Variants in SFXN1 observed in about 807,000 individuals in gnomAD.
SFXN1 encodes sideroflexin 1.
In SFXN1, 32 loss-of-function variants were observed where a neutral mutation model predicts 39.5. The observed-to-expected ratio is 0.81, with a 90% CI of 0.61 to 1.09. The LOEUF (loss-of-function observed/expected upper bound fraction) is 1.09, where lower values mean the gene tolerates loss of function less well. Among genes scored for constraint, SFXN1 ranks in the 50% least tolerant of loss-of-function variants. SFXN1 has a pLI of 0.00. For synonymous variants in SFXN1, 136 were observed against 146.5 expected, an observed-to-expected ratio of 0.93 and a Z score of 0.52; for missense variants, 402 against 407.1, an observed-to-expected ratio of 0.99 and a Z score of 0.11.
chr5:175,513,853 G>C lies in SFXN1; in HGVS notation c.724+263G>C, dbSNP rs866930832. 17 of 317,638 alleles carry C rather than the reference G, an allele frequency of 5.4e-5. No homozygotes were observed. The Admixed American group carries it at 6.9e-4, about 13-fold the overall frequency. 19.7% of individuals were successfully genotyped at this position (317,638 alleles called of 1,614,324 possible). Reference sequence around the variant, plus strand: ...TGTGGGAGTGAGCCAAGTGGGTATCGGTGATGAATATTCTGGCAGAGGGAA... The same window carrying C: ...TGTGGGAGTGAGCCAAGTGGGTATCCGTGATGAATATTCTGGCAGAGGGAA... On this transcript the variant is annotated intron_variant, in intron 7 of 10. Transcript: ENST00000321442.
intron 5 of SFXN1, 70 bp downstream of exon 5, chr5:175,511,596 T>C: frequency 8.2e-7 from 1 of 1,225,440 alleles, no homozygotes; most frequent in Middle Eastern, 1.9e-4. Flanking sequence ...TAAATCCCTC[T>C]ATTATTTCTT....
At chr5:175,479,709 C>A (rs1288539269) in intron 1 of SFXN1, among the ~76,000 whole-genome samples, 1 of 152,154 alleles carries the variant, frequency 6.6e-6, no homozygotes, top group Non-Finnish European at 1.5e-5. Context: ...ACTGCCTGAA[C>A]GAAAAAGCCT....
chr5:175,511,192 A>G (rs2113335621), intron 4 of SFXN1, among the ~76,000 whole-genome samples: 1 of 152,282 alleles, frequency 6.6e-6, no homozygotes, highest in East Asian at 1.9e-4. Context: ...TATTTATTTT[A>G]ACCAACTCAC....
chr5:175,495,810 A>G (rs964052071), intron 2 of SFXN1, among the ~76,000 whole-genome samples: 1 of 152,136 alleles, frequency 6.6e-6, no homozygotes, highest in Non-Finnish European at 1.5e-5. Context: ...TAAGAAAGTC[A>G]TATAAATAGA....
chr5:175,505,658 C>T (rs1247141742), intron 2 of SFXN1, among the ~76,000 whole-genome samples: 1 of 151,800 alleles, frequency 6.6e-6, no homozygotes, highest in Non-Finnish European at 1.5e-5. Flanking sequence ...GGTTGCTCTA[C>T]CCAAGATTAA....
At chr5:175,490,301 A>G (rs1378933497) in intron 1 of SFXN1, among the ~76,000 whole-genome samples, 2 of 152,216 alleles carry the variant, frequency 1.3e-5, no homozygotes, top group Non-Finnish European at 2.9e-5. Flanking sequence ...CCTTGGGGAA[A>G]TAGGCTTCCC....
At chr5:175,496,911 A>T (rs1176971135) in intron 2 of SFXN1, among the ~76,000 whole-genome samples, 2 of 142,572 alleles carry the variant, frequency 1.4e-5, no homozygotes, top group Non-Finnish European at 3.0e-5. Flanking sequence ...TTTTTTTTTG[A>T]GATGGAGTCT....
intron 10 of SFXN1, 100 bp downstream of exon 10, chr5:175,522,522 A>G: frequency 8.3e-7 from 1 of 1,211,194 alleles, no homozygotes; most frequent in Admixed American, 2.1e-5. Flanking sequence ...AGGGAAGTTG[A>G]GACTCAAAAG....
In SFXN1 at chr5:175,522,511, C is replaced by T. The variant is rs760029567; in HGVS notation, c.872+89C>T. ...AGGTGCCATTATTCCATTTCATTGG[C>T]AGGGAAGTTGAGACTCAAAAGATAC... On this transcript the variant is annotated intron_variant, in intron 10 of 10. Coordinates refer to ENST00000321442, the MANE Select transcript of SFXN1 (RefSeq NM_022754.7). 158 of 1,358,748 alleles carry T rather than the reference C, an allele frequency of 1.2e-4. 1 individual carries two copies. Among genetic ancestry groups the T allele is most frequent in the Non-Finnish European group, 1.1e-4 (112 of 978,950 alleles). The allele number at this position is 1,358,748 out of a possible 1,614,324, so 84.2% of individuals were successfully genotyped here.
chr5:175,505,648 G>A (rs1190850291), intron 2 of SFXN1, among the ~76,000 whole-genome samples: 2 of 151,750 alleles, frequency 1.3e-5, no homozygotes, highest in African/African-American at 2.4e-5. Context: ...CGTGTGGGAC[G>A]GTTGCTCTAC....
intron 2 of SFXN1, among the ~76,000 whole-genome samples, chr5:175,503,238 T>A (rs1187390717): frequency 6.6e-6 from 1 of 152,184 alleles, no homozygotes; most frequent in African/African-American, 2.4e-5. Flanking sequence ...TATACCTCAA[T>A]AAAGCTGATT....
intron 1 of SFXN1, among the ~76,000 whole-genome samples, chr5:175,487,972 GC>G (rs947082035): frequency 2.0e-5 from 3 of 152,122 alleles, no homozygotes; most frequent in African/African-American, 7.2e-5. Flanking sequence ...CACCTGCGCT[GC>G]CCCCCAGCTC....
intron 2 of SFXN1, 121 bp downstream of exon 2, chr5:175,492,388 CA>C (rs11318563): frequency 0.47 from 298,004 of 628,770 alleles, 35,440 homozygotes; most frequent in African/African-American, 0.72. Context: ...TTCTTTTGAC[CA>C]AAAAAAAAAA....
intron 5 of SFXN1, 61 bp downstream of exon 5, chr5:175,511,587 A>G: frequency 7.7e-7 from 1 of 1,306,136 alleles, no homozygotes; most frequent in Non-Finnish European, 1.1e-6. Flanking sequence ...GCCTGGCTCT[A>G]AATCCCTCTA....
intron 8 of SFXN1, among the ~76,000 whole-genome samples, chr5:175,521,224 A>G (rs1760869188): frequency 6.7e-6 from 1 of 149,036 alleles, no homozygotes; most frequent in Non-Finnish European, 1.5e-5. Flanking sequence ...TTTATTCTCC[A>G]GAAGACCAAC....
At chr5:175,506,866 A>T (rs912944835) in intron 2 of SFXN1, among the ~76,000 whole-genome samples, 2 of 152,136 alleles carry the variant, frequency 1.3e-5, no homozygotes, top group African/African-American at 4.8e-5. Context: ...GGTTTTCACC[A>T]TGTTGGCCAG....
chr5:175,514,857 A>T (rs1429842619), intron 7 of SFXN1, among the ~76,000 whole-genome samples: 2 of 152,220 alleles, frequency 1.3e-5, no homozygotes, highest in Non-Finnish European at 2.9e-5. Flanking sequence ...CAGTCCTGAA[A>T]CATGGGAAAG....
chr5:175,508,742 A>G (rs1760403008), intron 2 of SFXN1, among the ~76,000 whole-genome samples: 1 of 152,054 alleles, frequency 6.6e-6, no homozygotes, highest in Non-Finnish European at 1.5e-5. Context: ...GATTCAAGCA[A>G]TTCTCTTGCC....
intron 7 of SFXN1, among the ~76,000 whole-genome samples, chr5:175,514,982 C>T (rs1263566620): frequency 2.0e-5 from 3 of 152,144 alleles, no homozygotes; most frequent in Non-Finnish European, 4.4e-5. Flanking sequence ...ATCGAGGTTG[C>T]GGCTCCAGCT....
Sources: allele counts gnomAD v4.1 joint callset (sites outside exome capture counted in the v4.1 genomes callset), GRCh38; gene constraint gnomAD v4.1.1; transcripts MANE v1.5; gene names NCBI Gene and HGNC (gene_info 2026-07-23, HGNC 2026-07-21).